PAXBP1: variants seen among roughly 807,000 people sequenced by gnomAD.
PAXBP1 encodes PAX3- and PAX7-binding protein 1.
PAXBP1 carries 44 observed loss-of-function variants against 119.9 expected under a neutral mutation model. The observed-to-expected ratio is 0.37, with a 90% CI of 0.29 to 0.47. The LOEUF (loss-of-function observed/expected upper bound fraction) is 0.47, where lower values mean the gene tolerates loss of function less well. Ranked by LOEUF, PAXBP1 falls within the 20% of genes least tolerant of loss-of-function variation. PAXBP1 has a pLI of 0.99. For missense variants in PAXBP1, 898 were observed against 1,134.1 expected (o/e 0.79, Z 2.99); for synonymous variants, 393 against 406.6 (o/e 0.97, Z 0.40).
chr21:32,771,517 G>C lies in PAXBP1; in HGVS notation c.152C>G (p.Pro51Arg). Residue 51 changes from proline to arginine, a missense_variant, in exon 1 of 18, where the codon CCT (proline) becomes CGT (arginine). Pro to Arg is a moderately radical substitution (Grantham distance 103). This residue lies in a region of PAXBP1 where 299 missense variants were observed against 281.4 expected (regional missense o/e 1.06). Transcript: ENST00000331923. ...EAGPGGGDRA[P>R]GGESLLGPGP... is the part of the protein sequence containing the mutation. ...CGGGCCCAGCAGCGACTCCCCGCCAGGGGCCCTGTCGCCGCCACCGGGGCC... is the reference window on the plus strand; with the variant it reads ...CGGGCCCAGCAGCGACTCCCCGCCACGGGCCCTGTCGCCGCCACCGGGGCC... The C allele has an allele frequency of 7.5e-7, 1 of 1,333,450 alleles. No homozygotes were observed. Among genetic ancestry groups the C allele is most frequent in the Non-Finnish European group, 9.5e-7 (1 of 1,048,204 alleles). The allele number at this position is 1,333,450 out of a possible 1,614,324, so 82.6% of individuals were successfully genotyped here.
At chr21:32,759,557 C>T (rs1601603277) in intron 6 of PAXBP1, 1 of 606,904 alleles carries the variant, frequency 1.6e-6, no homozygotes, top group East Asian at 2.8e-5. Context: ...ATGTCTTCAA[C>T]AAGATCATGG....
At chr21:32,760,902 C>CGTGCGTGCGTGTGTGTGT (rs1491165069) in intron 5 of PAXBP1, among the ~76,000 whole-genome samples, 157 bp downstream of exon 5, 2 of 127,714 alleles carry the variant, frequency 1.6e-5, no homozygotes, top group African/African-American at 2.9e-5. Context: ...TGCGTGCGTG[C>CGTGCGTGCGTGTGTGTGT]GTGTGTGTGT....
In PAXBP1 at chr21:32,771,615, C is replaced by T. The variant is rs1336549755; in HGVS notation, c.54G>A (p.Glu18=). Residue 18 remains glutamate (E), a synonymous_variant, in exon 1 of 18, where the codon GAG becomes GAA. Coordinates refer to ENST00000331923, the MANE Select transcript of PAXBP1 (RefSeq NM_016631.4). ...GCTCCTCATCGCGTTCCCGCTCTTCCTCTTCGGAGTCGTTCCGCTTGCGCA... is the reference window on the plus strand; with the variant it reads ...GCTCCTCATCGCGTTCCCGCTCTTCTTCTTCGGAGTCGTTCCGCTTGCGCA... The part of the protein sequence containing the change: ...VNVRKRNDSE[E]EERERDEEQE... 7 of 1,467,568 alleles carry T rather than the reference C, an allele frequency of 4.8e-6. No homozygotes were observed. In the African/African-American group the frequency reaches 8.8e-5, roughly 19 times the overall value. 90.9% of individuals were successfully genotyped at this position (1,467,568 alleles called of 1,614,324 possible).
In PAXBP1 at chr21:32,743,758, A is replaced by C; in HGVS notation, c.2191-4T>G. ...ATAAAAGTGCCTTTAGGTATACCTA[A>C]AAAGTTAAAAGTAGATCACACATTT... On this transcript the variant is annotated splice_polypyrimidine_tract_variant and splice_region_variant and intron_variant, in intron 13 of 17. Coordinates refer to ENST00000331923, the MANE Select transcript of PAXBP1 (RefSeq NM_016631.4). 2.0e-6 allele frequency: 3 copies of C among 1,489,488 alleles called. No individual in the cohort carries two copies. The highest frequency in any genetic ancestry group is 2.4e-5 in the South Asian group (2 of 84,872). 92.3% of individuals were successfully genotyped at this position (1,489,488 alleles called of 1,614,324 possible).
Position 32,764,548 on chromosome 21 carries a change from A to G in PAXBP1, c.473-24T>C, listed in dbSNP as rs985896340. The stretch of plus-strand genomic sequence containing the variant: ...ACCTAAATTTTTGAAGAATTAAAAT[A>G]TATGTAAAATAAAATTCATAAATTA... On this transcript the variant is annotated intron_variant, in intron 2 of 17. Coordinates refer to ENST00000331923, the MANE Select transcript of PAXBP1 (RefSeq NM_016631.4). The G allele has an allele frequency of 4.0e-6, 6 of 1,494,996 alleles. No individual in the cohort carries two copies. In the African/African-American group the frequency reaches 7.1e-5, roughly 18 times the overall value. The allele number at this position is 1,494,996 out of a possible 1,614,324, so 92.6% of individuals were successfully genotyped here.
chr21:32,736,818 C>G (rs891272030), intron 17 of PAXBP1, among the ~76,000 whole-genome samples: 1 of 152,028 alleles, frequency 6.6e-6, no homozygotes, highest in Non-Finnish European at 1.5e-5. Flanking sequence ...TTCTTACAAC[C>G]CTTGATAAAA....
intron 10 of PAXBP1, among the ~76,000 whole-genome samples, chr21:32,750,095 T>C (rs534420516): frequency 1.3e-4 from 19 of 151,980 alleles, no homozygotes; most frequent in Non-Finnish European, 2.6e-4. Flanking sequence ...AAATACTTAA[T>C]CAGAATAGGC....
intron 13 of PAXBP1, 80 bp downstream of exon 13, chr21:32,744,712 A>G: frequency 7.2e-7 from 1 of 1,391,976 alleles, no homozygotes. Flanking sequence ...GGTTTAGGAT[A>G]ACCACTCATT....
intron 8 of PAXBP1, among the ~76,000 whole-genome samples, chr21:32,752,950 A>C (rs994612201): frequency 6.6e-6 from 1 of 151,076 alleles, no homozygotes. Context: ...TTTTTTTTTT[A>C]CTGAGTTTTT....
intron 15 of PAXBP1, chr21:32,742,958 T>G: frequency 1.9e-6 from 1 of 533,650 alleles, no homozygotes; most frequent in South Asian, 1.5e-5. Flanking sequence ...ACCCCATGGA[T>G]ACAGGGAGGA....
At chr21:32,751,303 G>C (rs570396164) in intron 8 of PAXBP1, 85 bp from the exon 9 acceptor site, 21 of 1,242,368 alleles carry the variant, frequency 1.7e-5, no homozygotes, top group Admixed American at 3.6e-5. Flanking sequence ...CATTACGACA[G>C]ACTGCTTGCT....
At chr21:32,749,445 C>T (rs1363283328) in intron 10 of PAXBP1, among the ~76,000 whole-genome samples, 1 of 152,024 alleles carries the variant, frequency 6.6e-6, no homozygotes, top group Non-Finnish European at 1.5e-5. Flanking sequence ...TCCGCTGCCT[C>T]GGCCTCCCAA....
intron 11 of PAXBP1, among the ~76,000 whole-genome samples, chr21:32,747,054 G>A (rs1174970533): frequency 6.7e-6 from 1 of 149,718 alleles, no homozygotes; most frequent in African/African-American, 2.5e-5. Context: ...ACACATACTG[G>A]GGAAAAACAC....
At chr21:32,769,148 A>AT in intron 2 of PAXBP1, among the ~76,000 whole-genome samples, 1 of 152,318 alleles carries the variant, frequency 6.6e-6, no homozygotes, top group East Asian at 1.9e-4. Flanking sequence ...GAAAATCATG[A>AT]TTTTCTCATT....
In PAXBP1 at chr21:32,762,974, A is replaced by C. The variant is rs139672222; in HGVS notation, c.650-657T>G. Among the ~76,000 whole-genome samples, 66 of 152,164 alleles carry C rather than the reference A, an allele frequency of 4.3e-4. 1 individual carries two copies. In the East Asian group the frequency reaches 0.012, roughly 28 times the overall value. On this transcript the variant is annotated intron_variant, in intron 3 of 17. Coordinates refer to ENST00000331923, the MANE Select transcript of PAXBP1 (RefSeq NM_016631.4). Reference sequence around the variant, plus strand: ...TGATGCTGGAAAACAGATAAAAATAATATAATCTCATGACCCTGAAAAGGC... The same window carrying C: ...TGATGCTGGAAAACAGATAAAAATACTATAATCTCATGACCCTGAAAAGGC...
At chr21:32,768,356 T>C (rs781747961) in intron 2 of PAXBP1, among the ~76,000 whole-genome samples, 2 of 152,226 alleles carry the variant, frequency 1.3e-5, no homozygotes, top group African/African-American at 2.4e-5. Flanking sequence ...GTAGTATTGT[T>C]ACAGGAGCAG....
Position 32,755,075 on chromosome 21 carries a change from G to T in PAXBP1, c.1507+155C>A, listed in dbSNP as rs1034858226. 8.5e-6 allele frequency: 7 copies of T among 823,788 alleles called. No individual in the cohort carries two copies. In the African/African-American group the frequency reaches 9.1e-5, roughly 11 times the overall value. The allele number at this position is 823,788 out of a possible 1,614,324, so 51.0% of individuals were successfully genotyped here. A position where few individuals can be genotyped will look rare whatever the true frequency, so the allele number is the denominator to read the frequency against. On this transcript the variant is annotated intron_variant, in intron 8 of 17. Transcript: ENST00000331923. ...TTTCTTAAACACAATTCAAGTACATGCTGTTACCATTTTTAGATCTACCTG... is the reference window on the plus strand; with the variant it reads ...TTTCTTAAACACAATTCAAGTACATTCTGTTACCATTTTTAGATCTACCTG...
At chr21:32,745,032 CT>C in intron 12 of PAXBP1, 119 bp from the exon 13 acceptor site, 1 of 1,078,690 alleles carries the variant, frequency 9.3e-7, no homozygotes, top group Non-Finnish European at 1.3e-6. Flanking sequence ...ACAATATAAG[CT>C]TTAGTCTTCT....
In PAXBP1 at chr21:32,751,108, T is replaced by C. The variant is rs766443696; in HGVS notation, c.1607+11A>G. On this transcript the variant is annotated intron_variant, in intron 9 of 17. Transcript: ENST00000331923. ...TCCCAAACAAGCCAGAGCAAGGGTTTTGAGAATTACCTCCTGGCCTCCCGC... is the reference window on the plus strand; with the variant it reads ...TCCCAAACAAGCCAGAGCAAGGGTTCTGAGAATTACCTCCTGGCCTCCCGC... 4.0e-5 allele frequency: 64 copies of C among 1,613,334 alleles called. No homozygotes were observed. The highest frequency in any genetic ancestry group is 5.0e-5 in the Admixed American group (3 of 59,984).
Sources: gnomAD v4.1 joint callset for allele counts (sites outside exome capture counted in the v4.1 genomes callset) on GRCh38, gnomAD v4.1.1 for gene constraint, gnomAD v4.1.1 regional missense constraint, MANE v1.5 for transcripts, NCBI Gene and HGNC (gene_info 2026-07-23, HGNC 2026-07-21) for gene names.